Variants in CAPZB observed in about 807,000 individuals in gnomAD.
The protein encoded by CAPZB is F-actin-capping protein subunit beta.
CAPZB carries 2 observed loss-of-function variants against 38.1 expected under a neutral mutation model. That is an observed-to-expected ratio of 0.05 (90% CI 0.02 to 0.17). The LOEUF (loss-of-function observed/expected upper bound fraction) is 0.17, where lower values mean the gene tolerates loss of function less well. Ranked by LOEUF, CAPZB falls within the 10% of genes least tolerant of loss-of-function variation. CAPZB has a pLI of 1.00. For synonymous variants in CAPZB, 107 were observed against 127.4 expected (o/e 0.84, Z 1.08); for missense variants, 161 against 334.2 (o/e 0.48, Z 4.04).
intron 1 of CAPZB, among the ~76,000 whole-genome samples, chr1:19,427,308 C>T (rs1026082983): frequency 6.6e-6 from 1 of 152,216 alleles, no homozygotes; most frequent in Non-Finnish European, 1.5e-5. Flanking sequence ...ACCAAAGCTT[C>T]AAGGCCTTCA....
At chr1:19,341,066 C>T (rs2093925720) in intron 8 of CAPZB, among the ~76,000 whole-genome samples, 1 of 152,196 alleles carries the variant, frequency 6.6e-6, no homozygotes, top group African/African-American at 2.4e-5. Context: ...CCCTACAAGT[C>T]ACAGGAAGAG....
At chr1:19,380,038 C>T (rs1400225167) in intron 3 of CAPZB, among the ~76,000 whole-genome samples, 2 of 152,188 alleles carry the variant, frequency 1.3e-5, no homozygotes, top group African/African-American at 4.8e-5. Context: ...ATCTTCCAAA[C>T]CCCAGTTTTA....
intron 2 of CAPZB, among the ~76,000 whole-genome samples, chr1:19,405,390 T>C (rs2094325855): frequency 6.6e-6 from 1 of 151,918 alleles, no homozygotes; most frequent in African/African-American, 2.4e-5. Flanking sequence ...AACGTGGAGA[T>C]TTGGCTGCCC....
At chr1:19,451,098 G>A (rs772096703) in intron 1 of CAPZB, among the ~76,000 whole-genome samples, 4 of 152,148 alleles carry the variant, frequency 2.6e-5, no homozygotes, top group Non-Finnish European at 5.9e-5. Flanking sequence ...ACTGATATGC[G>A]CCAAATCAGC....
intron 1 of CAPZB, among the ~76,000 whole-genome samples, chr1:19,446,070 G>T (rs1030162724): frequency 2.0e-5 from 3 of 152,186 alleles, no homozygotes; most frequent in Non-Finnish European, 4.4e-5. Context: ...TAACCTGAGA[G>T]CGGCAGGGTC....
chr1:19,451,013 G>A (rs2100695776), intron 1 of CAPZB, among the ~76,000 whole-genome samples: 1 of 152,266 alleles, frequency 6.6e-6, no homozygotes, highest in South Asian at 2.1e-4. Context: ...CTCTCATCTG[G>A]TGCCAAGGAA....
chr1:19,450,679 G>C (rs2094513072), intron 1 of CAPZB, among the ~76,000 whole-genome samples: 1 of 152,150 alleles, frequency 6.6e-6, no homozygotes, highest in Admixed American at 6.5e-5. Flanking sequence ...CCAAAAAAGA[G>C]AAGCTGGGCA....
chr1:19,400,698 T>G (rs1159361634), intron 2 of CAPZB, among the ~76,000 whole-genome samples: 2 of 152,182 alleles, frequency 1.3e-5, no homozygotes, highest in Non-Finnish European at 2.9e-5. Flanking sequence ...AACACTGTTC[T>G]CCGGCTTCCA....
At position 19,443,899 on chromosome 1, in the gene CAPZB, CTGAA is replaced by C. The variant is rs574454567; in HGVS notation, c.4-24153_4-24150del. 3.3e-5 allele frequency among the ~76,000 whole-genome samples: 5 copies of C among 152,324 alleles called. No homozygotes were observed. In the East Asian group the frequency reaches 9.6e-4, roughly 29 times the overall value. Reference sequence around the variant, plus strand: ...CCAGGGAGTGCACACACACAAAAGTCTGAATGAAATATCTGGTGGGTTCATAGTG... The same window carrying C: ...CCAGGGAGTGCACACACACAAAAGTCTGAAATATCTGGTGGGTTCATAGTG... On this transcript the variant is annotated intron_variant, in intron 1 of 8. Coordinates refer to ENST00000264202, the MANE Select transcript of CAPZB (RefSeq NM_004930.5).
chr1:19,358,601 G>A (rs190965940), intron 4 of CAPZB, among the ~76,000 whole-genome samples: 4 of 152,362 alleles, frequency 2.6e-5, no homozygotes, highest in East Asian at 1.9e-4. Context: ...CGTGAGCAGA[G>A]GTGAGGGGTG....
At chr1:19,431,544 AC>A (rs1419714966) in intron 1 of CAPZB, among the ~76,000 whole-genome samples, 10 of 151,526 alleles carry the variant, frequency 6.6e-5, no homozygotes, top group Non-Finnish European at 5.9e-5. Flanking sequence ...ACACGGTGAA[AC>A]CCCGTCTCTA....
intron 2 of CAPZB, among the ~76,000 whole-genome samples, chr1:19,417,674 C>T (rs1285131220): frequency 6.6e-6 from 1 of 152,088 alleles, no homozygotes; most frequent in African/African-American, 2.4e-5. Flanking sequence ...TCAAGGATAC[C>T]TCCTACCTAT....
chr1:19,402,905 TG>T (rs1370622825), intron 2 of CAPZB, among the ~76,000 whole-genome samples: 1 of 151,916 alleles, frequency 6.6e-6, no homozygotes, highest in African/African-American at 2.4e-5. Context: ...AAAAATTAGC[TG>T]GGGGTGGTGG....
Position 19,364,787 on chromosome 1 carries a change from C to T in CAPZB, c.330-7224G>A, listed in dbSNP as rs139696867. Among the ~76,000 whole-genome samples, 25 of 152,330 alleles carry T rather than the reference C, an allele frequency of 1.6e-4. No homozygotes were observed. The East Asian group carries it at 4.6e-3, about 28-fold the overall frequency. On this transcript the variant is annotated intron_variant, in intron 4 of 8. Transcript: ENST00000264202. ...AATTAGCTTTCATTAGCAATCACAC[C>T]TAATCCATGCTACACATACTGAACT...
At chr1:19,418,272 C>G (rs1290517044) in intron 2 of CAPZB, among the ~76,000 whole-genome samples, 1 of 151,572 alleles carries the variant, frequency 6.6e-6, no homozygotes, top group Non-Finnish European at 1.5e-5. Context: ...GGGCAACAAG[C>G]ACCAGGAGTA....
intron 2 of CAPZB, among the ~76,000 whole-genome samples, chr1:19,398,578 G>A (rs1331717417): frequency 6.6e-6 from 1 of 152,170 alleles, no homozygotes; most frequent in Non-Finnish European, 1.5e-5. Context: ...GCTGTTCTCA[G>A]CACAAAAGTC....
At chr1:19,346,723 C>T (rs986504782) in intron 6 of CAPZB, among the ~76,000 whole-genome samples, 2 of 151,896 alleles carry the variant, frequency 1.3e-5, no homozygotes, top group African/African-American at 4.8e-5. Flanking sequence ...GAGAACCAAG[C>T]CACTTTAAAC....
intron 6 of CAPZB, among the ~76,000 whole-genome samples, chr1:19,354,065 T>C (rs1400533434): frequency 1.3e-5 from 2 of 152,232 alleles, no homozygotes; most frequent in Non-Finnish European, 2.9e-5. Context: ...AGTTGTGGCA[T>C]GGTAGAAAGT....
chr1:19,382,457 G>A (rs576533067), intron 3 of CAPZB, among the ~76,000 whole-genome samples: 11 of 152,194 alleles, frequency 7.2e-5, no homozygotes, highest in South Asian at 2.1e-4. Flanking sequence ...TGCTGGCAAC[G>A]GTCACACCAT....
Sources: allele counts gnomAD v4.1 joint callset (sites outside exome capture counted in the v4.1 genomes callset), GRCh38; gene constraint gnomAD v4.1.1; transcripts MANE v1.5; gene names NCBI Gene and HGNC (gene_info 2026-07-23, HGNC 2026-07-21).